The following MAD1L1 variants were observed in gnomAD, a reference collection of about 807,000 sequenced individuals.
MAD1L1 encodes mitotic arrest deficient 1 like 1, also known as mitotic spindle assembly checkpoint protein MAD1.
Under a neutral mutation model 96.9 loss-of-function variants are expected in MAD1L1, and 95 were observed. The observed-to-expected ratio is 0.98, with a 90% confidence interval of 0.83 to 1.16. The LOEUF is 1.16. Ranked by LOEUF, MAD1L1 falls within the 50% of genes most tolerant of loss-of-function variation. The probability of loss-of-function intolerance (pLI) is 0.00; values close to 1 mark genes in which losing one functional copy is unlikely to be tolerated. For missense variants in MAD1L1, 1,007 were observed against 954.4 expected (o/e 1.06, Z -0.73); for synonymous variants, 473 against 396.6 (o/e 1.19, Z -2.29).
In MAD1L1 at chr7:1,968,097, GA is replaced by G. The variant is rs1447254974; in HGVS notation, c.1506-10379del. On this transcript the variant is annotated intron_variant, in intron 15 of 18. Transcript: ENST00000265854. This position sits in a 1 kb window ranked among gnomAD's most constrained non-coding sequence, Gnocchi z 5.6. ...CATACATGTAGAACTCATCCCTCCAGAGGGGGAGCGTCGCCTGTGCCCTGAG... is the reference window on the plus strand; with the variant it reads ...CATACATGTAGAACTCATCCCTCCAGGGGGGAGCGTCGCCTGTGCCCTGAG... Among the ~76,000 whole-genome samples the G allele has an allele frequency of 6.6e-6, 1 of 152,250 alleles. No homozygotes were observed. Among genetic ancestry groups the G allele is most frequent in the Non-Finnish European group, 1.5e-5 (1 of 68,038 alleles).
At chr7:2,029,008 G>A (rs946655362) in intron 12 of MAD1L1, among the ~76,000 whole-genome samples, 1 of 152,136 alleles carries the variant, frequency 6.6e-6, no homozygotes, top group Non-Finnish European at 1.5e-5. Context: ...CCTGGAGGGT[G>A]GCGAAGCTTT....
intron 11 of MAD1L1, among the ~76,000 whole-genome samples, chr7:2,104,658 T>C (rs1786994356): frequency 7.9e-6 from 1 of 126,094 alleles, no homozygotes; most frequent in African/African-American, 2.5e-5. Context: ...AACTGTTTTA[T>C]ACTTACATGC....
chr7:1,942,735 G>A (rs1364530463), intron 16 of MAD1L1, among the ~76,000 whole-genome samples: 1 of 152,204 alleles, frequency 6.6e-6, no homozygotes, highest in Non-Finnish European at 1.5e-5. Context: ...TGCACATTCT[G>A]TACAATCCCA....
At chr7:2,203,908 C>T (rs904217206) in intron 10 of MAD1L1, among the ~76,000 whole-genome samples, 1 of 152,202 alleles carries the variant, frequency 6.6e-6, no homozygotes, top group African/African-American at 2.4e-5. Context: ...CCCAGGAATA[C>T]TGAGAACACA....
At chr7:1,972,530 T>C (rs978319621) in intron 15 of MAD1L1, among the ~76,000 whole-genome samples, 10 of 152,188 alleles carry the variant, frequency 6.6e-5, no homozygotes, top group African/African-American at 2.4e-4. Context: ...CCCTATTTCA[T>C]TGCTGATATT....
intron 14 of MAD1L1, among the ~76,000 whole-genome samples, chr7:1,980,948 C>A (rs1320155941): frequency 6.6e-6 from 1 of 152,124 alleles, no homozygotes. Flanking sequence ...GATGCTGCAC[C>A]GCCCGGGAGG....
intron 12 of MAD1L1, among the ~76,000 whole-genome samples, chr7:2,032,934 G>A (rs1783295262): frequency 6.6e-6 from 1 of 152,250 alleles, no homozygotes; most frequent in Admixed American, 6.5e-5. Context: ...AGGGGGGCAA[G>A]GCGCCCCCGC....
chr7:2,194,949 G>A (rs551641416), intron 10 of MAD1L1, among the ~76,000 whole-genome samples: 74 of 152,006 alleles, frequency 4.9e-4, no homozygotes, highest in African/African-American at 8.2e-4. Flanking sequence ...TTAGCCAGGC[G>A]TGCTGATGCG....
At chr7:1,906,640 C>T (rs1787650448) in intron 17 of MAD1L1, among the ~76,000 whole-genome samples, 1 of 152,252 alleles carries the variant, frequency 6.6e-6, no homozygotes, top group South Asian at 2.1e-4. Context: ...GGGCCTCATG[C>T]TGTTTCCCTG....
intron 12 of MAD1L1, among the ~76,000 whole-genome samples, chr7:2,032,985 A>G (rs896059041): frequency 2.6e-5 from 4 of 152,248 alleles, no homozygotes; most frequent in Non-Finnish European, 5.9e-5. Flanking sequence ...AGATGCCCCC[A>G]GCCCACTGGT....
At chr7:2,077,489 G>C (rs1160743847) in intron 11 of MAD1L1, among the ~76,000 whole-genome samples, 2 of 152,192 alleles carry the variant, frequency 1.3e-5, no homozygotes, top group African/African-American at 4.8e-5. Context: ...GGGCTGGGGG[G>C]AGACGCCCCA....
chr7:1,885,825 T>TA lies in MAD1L1; in HGVS notation c.1998+12374dup, dbSNP rs372873557. 1.8e-3 allele frequency among the ~76,000 whole-genome samples: 268 copies of TA among 152,242 alleles called. 1 individual carries two copies. The East Asian group carries it at 0.025, about 14-fold the overall frequency. ...GTCTCTCTCCCTCCAGCCTGGCCCC[T>TA]AGGCCGGGTGGGCCCACTCCTCAGG... On this transcript the variant is annotated intron_variant, in intron 18 of 18. Transcript: ENST00000265854.
intron 12 of MAD1L1, among the ~76,000 whole-genome samples, chr7:2,053,385 T>C (rs971717955): frequency 1.3e-5 from 2 of 152,002 alleles, no homozygotes; most frequent in Non-Finnish European, 2.9e-5. Flanking sequence ...CTCCTGTAGG[T>C]GAAGGAGTCC....
At chr7:2,030,127 C>T (rs944675776) in intron 12 of MAD1L1, among the ~76,000 whole-genome samples, 2 of 152,172 alleles carry the variant, frequency 1.3e-5, no homozygotes, top group African/African-American at 4.8e-5. Context: ...TGCAGGGCAC[C>T]CCTGGCTGGC....
At chr7:1,858,588 A>C (rs1053381257) in intron 18 of MAD1L1, among the ~76,000 whole-genome samples, 1 of 152,184 alleles carries the variant, frequency 6.6e-6, no homozygotes, top group Non-Finnish European at 1.5e-5. Context: ...CGGCACCAGG[A>C]CGCCCGCGGT....
At chr7:1,981,358 G>A (rs1183846581) in intron 14 of MAD1L1, among the ~76,000 whole-genome samples, 1 of 152,186 alleles carries the variant, frequency 6.6e-6, no homozygotes, top group Non-Finnish European at 1.5e-5. Context: ...AGAACGGACT[G>A]CGGGCTCAAG....
intron 18 of MAD1L1, among the ~76,000 whole-genome samples, chr7:1,873,809 G>A (rs1287471391): frequency 6.6e-6 from 1 of 152,162 alleles, no homozygotes; most frequent in Non-Finnish European, 1.5e-5. Flanking sequence ...TGTTTGGGGA[G>A]CAGGCAGGGC....
At chr7:1,901,415 C>T (rs11767515) in intron 17 of MAD1L1, among the ~76,000 whole-genome samples, 23,190 of 152,236 alleles carry the variant, frequency 0.15, 2,199 homozygotes, top group South Asian at 0.28. Context: ...CTCTCAGAGA[C>T]CCCAGAAGCC....
At chr7:2,171,752 G>A (rs1381677127) in intron 10 of MAD1L1, among the ~76,000 whole-genome samples, 2 of 151,446 alleles carry the variant, frequency 1.3e-5, no homozygotes, top group African/African-American at 2.4e-5. Flanking sequence ...GGTCACCTCC[G>A]CCATGCAAAG....
Sources: gnomAD v4.1 joint callset for allele counts (sites outside exome capture counted in the v4.1 genomes callset) on GRCh38, gnomAD v4.1.1 for gene constraint, Gnocchi (gnomAD v3.1) non-coding constraint, MANE v1.5 for transcripts, NCBI Gene and HGNC (gene_info 2026-07-23, HGNC 2026-07-21) for gene names.